The following TBC1D1 variants were observed in gnomAD, a reference collection of about 807,000 sequenced individuals.
TBC1D1 encodes TBC1 domain family member 1, also known as TBC1 (tre-2/USP6, BUB2, cdc16) domain family, member 1.
In TBC1D1, 89 loss-of-function variants were observed where a neutral mutation model predicts 125.6. The ratio of observed to expected loss-of-function variants is 0.71; its 90% CI spans 0.60 to 0.85. TBC1D1 has a LOEUF of 0.85. TBC1D1 is among the 40% of genes least tolerant of loss of function. TBC1D1 has a pLI of 0.00. For synonymous variants in TBC1D1, 565 were observed against 564.1 expected (o/e 1.00, Z -0.02); for missense variants, 1,377 against 1,469.2 (o/e 0.94, Z 1.03).
At chr4:38,086,208 G>C (rs1757458492) in intron 12 of TBC1D1, among the ~76,000 whole-genome samples, 1 of 152,202 alleles carries the variant, frequency 6.6e-6, no homozygotes, top group African/African-American at 2.4e-5. Context: ...GGATAAAAGA[G>C]ATACGTTTTT....
chr4:38,052,028 T>C, intron 11 of TBC1D1: 1 of 1,550,984 alleles, frequency 6.4e-7, no homozygotes, highest in Non-Finnish European at 8.7e-7. Context: ...ATAATTCCAG[T>C]GGAGAACAAA....
At chr4:38,109,050 A>G (rs1578756657) in intron 15 of TBC1D1, among the ~76,000 whole-genome samples, 1 of 152,284 alleles carries the variant, frequency 6.6e-6, no homozygotes, top group South Asian at 2.1e-4. Flanking sequence ...GCTGGCGGGG[A>G]CCACAGTGTT....
intron 12 of TBC1D1, among the ~76,000 whole-genome samples, chr4:38,070,002 G>C: frequency 6.6e-6 from 1 of 152,166 alleles, no homozygotes; most frequent in South Asian, 2.1e-4. Flanking sequence ...CATTATCTGG[G>C]CTGTGGGAGG....
intron 19 of TBC1D1, among the ~76,000 whole-genome samples, chr4:38,133,960 C>G (rs898978121): frequency 6.6e-6 from 1 of 152,202 alleles, no homozygotes; most frequent in Admixed American, 6.5e-5. Context: ...CTGCGGAGTG[C>G]AGCTCTTTTG....
intron 12 of TBC1D1, among the ~76,000 whole-genome samples, chr4:38,070,849 A>G (rs1754585664): frequency 6.6e-6 from 1 of 152,218 alleles, no homozygotes; most frequent in Non-Finnish European, 1.5e-5. Flanking sequence ...TTTGAAGTAC[A>G]TTTAGTCTTT....
At chr4:37,892,723 C>T (rs1470310467) in intron 1 of TBC1D1, among the ~76,000 whole-genome samples, 2 of 152,126 alleles carry the variant, frequency 1.3e-5, no homozygotes, top group Non-Finnish European at 2.9e-5. Flanking sequence ...TGGGGCTTCC[C>T]CTTTTCACCA....
At chr4:37,925,588 C>T (rs1462241427) in intron 2 of TBC1D1, among the ~76,000 whole-genome samples, 2 of 150,614 alleles carry the variant, frequency 1.3e-5, no homozygotes, top group African/African-American at 4.9e-5. Context: ...TGGTGAGGCA[C>T]GCCTGTAGTC....
Position 38,096,085 on chromosome 4 carries a change from G to A in TBC1D1, c.2393G>A (p.Gly798Glu). 6.2e-7 allele frequency: 1 copy of A among 1,612,292 alleles called. No homozygotes were observed. Among genetic ancestry groups the A allele is most frequent in the South Asian group, 1.1e-5 (1 of 90,824 alleles). ...ATGGAAAAAATGCACTCGGCTGTTGGGCAAGGTAAGCTTCATTGGGAAGCA... is the reference window on the plus strand; with the variant it reads ...ATGGAAAAAATGCACTCGGCTGTTGAGCAAGGTAAGCTTCATTGGGAAGCA... The change falls in exon 14 of 20, where the codon GGG becomes GAG. Residue 798 changes from glycine to glutamate, a missense_variant. Coordinates refer to ENST00000261439, the MANE Select transcript of TBC1D1 (RefSeq NM_015173.4).
rs562079941 is a variant in TBC1D1, at chr4:38,034,415, T to A, written c.1303-1173T>A. On this transcript the variant is annotated intron_variant, in intron 7 of 19. Transcript: ENST00000261439. ...GAAGGCCTCAATGAAAACAAACCCT[T>A]CTAATCATTAACTATCCTTTCCTTA... Among the ~76,000 whole-genome samples, 3 of 152,368 alleles carry A rather than the reference T, an allele frequency of 2.0e-5. No individual in the cohort carries two copies. In the East Asian group the frequency reaches 5.8e-4, roughly 29 times the overall value.
intron 2 of TBC1D1, among the ~76,000 whole-genome samples, chr4:37,962,388 G>T (rs571836584): frequency 2.6e-5 from 4 of 152,336 alleles, no homozygotes; most frequent in African/African-American, 9.6e-5. Flanking sequence ...TGGCAAGACA[G>T]GAAGTATTAC....
At chr4:37,972,236 C>G (rs572120748) in intron 2 of TBC1D1, among the ~76,000 whole-genome samples, 134 of 151,946 alleles carry the variant, frequency 8.8e-4, no homozygotes, top group South Asian at 3.7e-3. Flanking sequence ...TCATCTCGCA[C>G]TTTGGGAGGC....
chr4:38,126,900 A>G (rs1764744218), intron 18 of TBC1D1, among the ~76,000 whole-genome samples: 1 of 152,084 alleles, frequency 6.6e-6, no homozygotes, highest in South Asian at 2.1e-4. Flanking sequence ...AGGTCATTTA[A>G]TTTAGAGTTT....
At chr4:37,935,313 G>T (rs149907128) in intron 2 of TBC1D1, among the ~76,000 whole-genome samples, 61 of 152,262 alleles carry the variant, frequency 4.0e-4, no homozygotes, top group Non-Finnish European at 8.5e-4. Flanking sequence ...AAATCCAGCT[G>T]TCAATCAGGC....
rs776180053 is a variant in TBC1D1 at position 38,133,086 on chromosome 4, A to G, written c.3135A>G (p.Val1045=). Residue 1045 remains valine, a splice_region_variant and synonymous_variant, in exon 19 of 20, where the codon GTA becomes GTG. Transcript: ENST00000261439. Reference sequence around the variant, plus strand: ...GATGACTTTTCTTTCTATAACAGGTATTTGAAATGGACATCGCTAAACAGT... The same window carrying G: ...GATGACTTTTCTTTCTATAACAGGTGTTTGAAATGGACATCGCTAAACAGT... 2.7e-5 allele frequency: 43 copies of G among 1,608,892 alleles called. No individual in the cohort carries two copies. Among genetic ancestry groups the G allele is most frequent in the Non-Finnish European group, 3.2e-5 (38 of 1,178,284 alleles).
rs368641737 is a variant in TBC1D1 at position 37,980,049 on chromosome 4, G to T, written c.418-34460G>T. ...CTGCCTCGGCCTCCCAAAGTGCTGG[G>T]ATTACAGGTGTGAGCCACCGCCCCC... On this transcript the variant is annotated intron_variant, in intron 2 of 19. Coordinates refer to ENST00000261439, the MANE Select transcript of TBC1D1 (RefSeq NM_015173.4). 2.5e-4 allele frequency among the ~76,000 whole-genome samples: 38 copies of T among 152,344 alleles called. 3 individuals are homozygous for T. In the East Asian group the frequency reaches 5.4e-3, roughly 22 times the overall value.
chr4:38,114,064 C>CAG (rs1553941740), intron 15 of TBC1D1, among the ~76,000 whole-genome samples: 27,478 of 151,866 alleles, frequency 0.18, 2,922 homozygotes, highest in Non-Finnish European at 0.24. Context: ...CACACACACA[C>CAG]CTGCACACAA....
At chr4:37,960,740 T>A in intron 2 of TBC1D1, 1 of 1,614,080 alleles carries the variant, frequency 6.2e-7, no homozygotes, top group East Asian at 2.2e-5. Context: ...AAACAAAAAG[T>A]TCTGTTCCTG....
chr4:38,085,634 A>G (rs1428212672), intron 12 of TBC1D1, among the ~76,000 whole-genome samples: 1 of 152,202 alleles, frequency 6.6e-6, no homozygotes, highest in Admixed American at 6.5e-5. Context: ...AGCTTCCTAC[A>G]CTGGCCTCTG....
At chr4:38,078,273 C>G (rs1305808593) in intron 12 of TBC1D1, among the ~76,000 whole-genome samples, 1 of 152,200 alleles carries the variant, frequency 6.6e-6, no homozygotes, top group Non-Finnish European at 1.5e-5. Context: ...CCATGCCTTT[C>G]CATCGTAATA....
Sources: gnomAD v4.1 joint callset for allele counts (sites outside exome capture counted in the v4.1 genomes callset) on GRCh38, gnomAD v4.1.1 for gene constraint, MANE v1.5 for transcripts, NCBI Gene and HGNC (gene_info 2026-07-23, HGNC 2026-07-21) for gene names.